Variants in TOX2 observed in about 807,000 individuals in gnomAD.
The protein encoded by TOX2 is TOX high mobility group box family member 2.
Under a neutral mutation model 47.4 loss-of-function variants are expected in TOX2, and 15 were observed. The observed-to-expected ratio is 0.32, with a 90% CI of 0.21 to 0.49. The LOEUF (loss-of-function observed/expected upper bound fraction) is 0.49, where lower values mean the gene tolerates loss of function less well. TOX2 is among the 20% of genes least tolerant of loss of function. The probability of loss-of-function intolerance (pLI) is 0.99; values close to 1 mark genes in which losing one functional copy is unlikely to be tolerated. For synonymous variants in TOX2, 290 were observed against 296.6 expected (o/e 0.98, Z 0.23); for missense variants, 622 against 673.1 (o/e 0.92, Z 0.84).
chr20:44,053,481 T>C (rs200168615), intron 4 of TOX2, among the ~76,000 whole-genome samples: 67 of 142,544 alleles, frequency 4.7e-4, no homozygotes, highest in East Asian at 1.4e-3. Context: ...CATATATATA[T>C]ACACACATAT....
At chr20:44,053,503 T>TACTATATATATAC (rs2071557249) in intron 4 of TOX2, among the ~76,000 whole-genome samples, 1 of 144,452 alleles carries the variant, frequency 6.9e-6, no homozygotes, top group African/African-American at 2.7e-5. Context: ...TATACAGACA[T>TACTATATATATAC]ATATATACTA....
chr20:44,026,252 C>CTATATATAT lies in TOX2; in HGVS notation c.411+19460_411+19461insTATATATAT, dbSNP rs1569109288. ...TGATATATATATATATATATATAGA[C>CTATATATAT]ACACACACACACAATGGAATACTAC... On this transcript the variant is annotated intron_variant, in intron 3 of 8. Coordinates refer to ENST00000341197, the MANE Select transcript of TOX2 (RefSeq NM_001098797.2). Among the ~76,000 whole-genome samples the CTATATATAT allele has an allele frequency of 1.5e-4, 12 of 81,916 alleles. 3 individuals carry two copies. Among genetic ancestry groups the CTATATATAT allele is most frequent in the Non-Finnish European group, 2.8e-4 (12 of 43,028 alleles). The allele number at this position is 81,916 out of a possible 152,430, so 53.7% of individuals were successfully genotyped here.
chr20:44,019,249 C>T (rs114270253), intron 3 of TOX2, among the ~76,000 whole-genome samples: 144 of 152,334 alleles, frequency 9.5e-4, no homozygotes, highest in African/African-American at 3.4e-3. Context: ...ATCTTCTAAC[C>T]CTCCTGTTGA....
At chr20:44,044,278 G>C (rs781176938) in intron 3 of TOX2, among the ~76,000 whole-genome samples, 5 of 152,052 alleles carry the variant, frequency 3.3e-5, no homozygotes, top group Admixed American at 6.6e-5. Context: ...GGCCTGTTGT[G>C]GGGGGCGGTT....
At chr20:44,033,681 CA>C (rs756841511) in intron 3 of TOX2, among the ~76,000 whole-genome samples, 9,409 of 129,564 alleles carry the variant, frequency 0.073, 567 homozygotes, top group African/African-American at 0.18. Flanking sequence ...ACGGTTCATC[CA>C]AAAAAAAAAA....
intron 1 of TOX2, among the ~76,000 whole-genome samples, chr20:43,935,962 T>C (rs2069322851): frequency 7.3e-6 from 1 of 136,124 alleles, no homozygotes; most frequent in Admixed American, 7.6e-5. Context: ...AGAAGCAGAG[T>C]GGATCGTGAA....
At chr20:44,019,105 T>C (rs140704971) in intron 3 of TOX2, among the ~76,000 whole-genome samples, 1,782 of 152,276 alleles carry the variant, frequency 0.012, 36 homozygotes, top group African/African-American at 0.041. Context: ...ACTGACTGAC[T>C]GACTGAAAAA....
At chr20:43,985,861 C>T (rs536245787) in intron 2 of TOX2, among the ~76,000 whole-genome samples, 18 of 152,110 alleles carry the variant, frequency 1.2e-4, no homozygotes, top group African/African-American at 2.7e-4. Flanking sequence ...GGAGCTGGGG[C>T]GCATGGCTTT....
At chr20:43,936,120 G>A (rs542132790) in intron 1 of TOX2, among the ~76,000 whole-genome samples, 4 of 152,060 alleles carry the variant, frequency 2.6e-5, no homozygotes, top group East Asian at 1.9e-4. Context: ...TTGGCATGGC[G>A]TCTTGTCATT....
chr20:44,049,337 T>C (rs191163676), intron 3 of TOX2, among the ~76,000 whole-genome samples: 4 of 152,328 alleles, frequency 2.6e-5, no homozygotes, highest in Admixed American at 1.3e-4. Flanking sequence ...ATGTACACAA[T>C]TTAATCATAT....
chr20:44,056,377 T>C (rs2071616571), intron 5 of TOX2, among the ~76,000 whole-genome samples: 1 of 152,212 alleles, frequency 6.6e-6, no homozygotes, highest in South Asian at 2.1e-4. Flanking sequence ...CTTGTGTGTT[T>C]CGTTGGCAAC....
intron 3 of TOX2, among the ~76,000 whole-genome samples, chr20:44,013,180 C>G (rs757304632): frequency 6.6e-6 from 1 of 152,128 alleles, no homozygotes; most frequent in Non-Finnish European, 1.5e-5. Flanking sequence ...CTTGATATAC[C>G]TTGGAGTGGG....
At chr20:43,946,158 C>A in intron 1 of TOX2, 1 of 1,436,832 alleles carries the variant, frequency 7.0e-7, no homozygotes. Context: ...TTGTCACATT[C>A]TGGAATGAAG....
At chr20:44,048,909 G>A (rs888264828) in intron 3 of TOX2, among the ~76,000 whole-genome samples, 2 of 152,200 alleles carry the variant, frequency 1.3e-5, no homozygotes, top group Non-Finnish European at 1.5e-5. Context: ...GGCCGAGGTG[G>A]GCAGATCACT....
chr20:43,936,532 G>A (rs1213429219), intron 1 of TOX2, among the ~76,000 whole-genome samples: 1 of 152,204 alleles, frequency 6.6e-6, no homozygotes, highest in African/African-American at 2.4e-5. Flanking sequence ...AGTGGCCTGG[G>A]AGCTGGGTGA....
chr20:43,930,647 C>T (rs188344816), intron 1 of TOX2, among the ~76,000 whole-genome samples: 59 of 152,208 alleles, frequency 3.9e-4, no homozygotes, highest in African/African-American at 1.3e-3. Flanking sequence ...GCCTGGCCTT[C>T]GGAGATAATA....
At position 43,931,585 on chromosome 20, in the gene TOX2, A is replaced by G. The variant is rs73908118; in HGVS notation, c.99+16595A>G. ...GGGCTGCCCAATGTCCATAGGAGACATGGGCTTCAGAGGCCATGTCTGGGT... is the reference window on the plus strand; with the variant it reads ...GGGCTGCCCAATGTCCATAGGAGACGTGGGCTTCAGAGGCCATGTCTGGGT... On this transcript the variant is annotated intron_variant, in intron 1 of 8. Transcript: ENST00000341197. Among the ~76,000 whole-genome samples, 1,463 of 152,328 alleles carry G rather than the reference A, an allele frequency of 9.6e-3. 29 individuals are homozygous for G. The highest frequency in any genetic ancestry group is 0.034 in the African/African-American group (1,401 of 41,570).
chr20:43,956,207 C>T lies in TOX2; in HGVS notation c.100-17160C>T, dbSNP rs530757491. On this transcript the variant is annotated intron_variant, in intron 1 of 8. Transcript: ENST00000341197. ...TGGCTTCCCATCTACTTATCACCCA[C>T]CCATATTCTGATTCCTGGTCCTGTC... Among the ~76,000 whole-genome samples the T allele has an allele frequency of 2.0e-5, 3 of 152,286 alleles. No homozygotes were observed. The East Asian group carries it at 5.8e-4, about 29-fold the overall frequency.
At chr20:43,960,016 C>T (rs2069731840) in intron 1 of TOX2, among the ~76,000 whole-genome samples, 1 of 152,164 alleles carries the variant, frequency 6.6e-6, no homozygotes, top group South Asian at 2.1e-4. Context: ...GCTGTGTGGC[C>T]TTGGGCAAGC....
Sources: gnomAD v4.1 joint callset for allele counts (sites outside exome capture counted in the v4.1 genomes callset) on GRCh38, gnomAD v4.1.1 for gene constraint, MANE v1.5 for transcripts, NCBI Gene and HGNC (gene_info 2026-07-23, HGNC 2026-07-21) for gene names.